COL15A1: variants seen among roughly 807,000 people sequenced by gnomAD.
COL15A1 encodes the protein collagen alpha-1(XV) chain.
In COL15A1, 111 loss-of-function variants were observed where a neutral mutation model predicts 165.9. The ratio of observed to expected loss-of-function variants is 0.67; its 90% confidence interval spans 0.57 to 0.78. COL15A1 has a LOEUF of 0.78. Among genes scored for constraint, COL15A1 ranks in the 30% least tolerant of loss-of-function variants. The probability of loss-of-function intolerance (pLI) is 0.00; values close to 1 mark genes in which losing one functional copy is unlikely to be tolerated. For synonymous variants in COL15A1, 659 were observed against 674.8 expected, an observed-to-expected ratio of 0.98 and a Z score of 0.36; for missense variants, 1,745 against 1,789.7, an observed-to-expected ratio of 0.98 and a Z score of 0.45.
intron 38 of COL15A1, 86 bp downstream of exon 38, chr9:99,062,390 A>G (rs1825831677): frequency 1.0e-6 from 1 of 1,002,440 alleles, no homozygotes; most frequent in Non-Finnish European, 1.6e-6. Flanking sequence ...CAAGCTCTCC[A>G]AACTCTGGAC....
At chr9:99,015,931 C>T in intron 10 of COL15A1, 45 bp from the exon 11 acceptor site, 1 of 1,600,020 alleles carries the variant, frequency 6.2e-7, no homozygotes, top group Non-Finnish European at 8.5e-7. Context: ...CTGGCAGCCT[C>T]ATGAGCGAGG....
In COL15A1 at chr9:99,035,086, G is replaced by A. The variant is rs1191696022; in HGVS notation, c.2152G>A (p.Gly718Arg). ...ACAAGCTGGCCCTCCTGGGGTCATG[G>A]GACCCCCAGGGCCTCCTGGACCCCC... ...KGQAGPPGVMGPPGPPGPPGP... is the reference protein window; with the variant it reads ...KGQAGPPGVMRPPGPPGPPGP... Residue 718 changes from glycine to arginine, a missense_variant, in exon 18 of 42, where the codon GGA (glycine) becomes AGA (arginine). Coordinates refer to ENST00000375001, the MANE Select transcript of COL15A1 (RefSeq NM_001855.5). 1.2e-6 allele frequency: 2 copies of A among 1,601,580 alleles called. No homozygotes were observed. The highest frequency in any genetic ancestry group is 2.7e-5 in the African/African-American group (2 of 74,690).
chr9:98,973,812 G>A (rs1256862460), intron 2 of COL15A1, among the ~76,000 whole-genome samples: 4 of 152,244 alleles, frequency 2.6e-5, no homozygotes, highest in African/African-American at 4.8e-5. Context: ...TGAAAGAACC[G>A]GCAGTTAGGG....
intron 22 of COL15A1, 56 bp from the exon 23 acceptor site, chr9:99,040,465 C>T (rs1001744914): frequency 1.2e-6 from 2 of 1,613,824 alleles, no homozygotes; most frequent in Admixed American, 3.3e-5. Context: ...GGGGGTCCTG[C>T]TGACTCTGGA....
Position 99,035,118 on chromosome 9 carries a change from C to A in COL15A1, c.2184C>A (p.Pro728=), listed in dbSNP as rs148026871. Residue 728 remains proline, a synonymous_variant, in exon 18 of 42, where the codon CCC becomes CCA. Coordinates refer to ENST00000375001, the MANE Select transcript of COL15A1 (RefSeq NM_001855.5). ...CAGGGCCTCCTGGACCCCCTGGGCCCCCAGGCCCTGGATGCACAATGGGAC... is the reference window on the plus strand; with the variant it reads ...CAGGGCCTCCTGGACCCCCTGGGCCACCAGGCCCTGGATGCACAATGGGAC... The part of the protein sequence containing the change: ...GPPGPPGPPG[P]PGPGCTMGLG... 10 of 1,602,766 alleles carry A rather than the reference C, an allele frequency of 6.2e-6. No homozygotes were observed. The highest frequency in any genetic ancestry group is 1.3e-5 in the African/African-American group (1 of 74,202).
intron 30 of COL15A1, among the ~76,000 whole-genome samples, chr9:99,050,590 G>C (rs944948295): frequency 2.6e-5 from 4 of 152,182 alleles, no homozygotes; most frequent in African/African-American, 9.7e-5. Flanking sequence ...CAGTGGGGAG[G>C]GTGGGCCTTG....
intron 11 of COL15A1, among the ~76,000 whole-genome samples, chr9:99,017,797 G>A (rs906634459): frequency 3.3e-5 from 5 of 152,122 alleles, no homozygotes; most frequent in Admixed American, 6.5e-5. Flanking sequence ...AGATAGAGCC[G>A]GTTCTCCTGT....
chr9:98,998,458 C>T (rs142897664), intron 6 of COL15A1, among the ~76,000 whole-genome samples: 1 of 152,134 alleles, frequency 6.6e-6, no homozygotes, highest in African/African-American at 2.4e-5. Flanking sequence ...AAATACTGCC[C>T]GCTGGGGAGA....
chr9:99,069,608 G>C (rs1825951305), intron 41 of COL15A1, 65 bp from the exon 42 acceptor site: 1 of 1,567,460 alleles, frequency 6.4e-7, no homozygotes, highest in Non-Finnish European at 8.7e-7. Context: ...ATGCCAATTT[G>C]CTTACCAAAA....
chr9:98,968,406 G>T (rs1837991291), intron 2 of COL15A1, among the ~76,000 whole-genome samples: 1 of 152,120 alleles, frequency 6.6e-6, no homozygotes, highest in African/African-American at 2.4e-5. Context: ...TCCTCCTGGG[G>T]CTCTAGCAGG....
intron 2 of COL15A1, among the ~76,000 whole-genome samples, chr9:98,961,606 T>A (rs889934372): frequency 6.6e-6 from 1 of 152,166 alleles, no homozygotes; most frequent in Non-Finnish European, 1.5e-5. Flanking sequence ...GTTTCTGGGA[T>A]GAAAGCAGGG....
At position 99,049,597 on chromosome 9, in the gene COL15A1, C is replaced by T. The variant is rs1348795433; in HGVS notation, c.2794-93C>T. 1.4e-5 allele frequency: 22 copies of T among 1,529,160 alleles called. No homozygotes were observed. In the South Asian group the frequency reaches 2.6e-4, roughly 18 times the overall value. The allele number at this position is 1,529,160 out of a possible 1,614,324, so 94.7% of individuals were successfully genotyped here. Reference sequence around the variant, plus strand: ...GAGAAGTTGGTTGGCTTCAGCAGACCCTCCTTTCCTTCCTCTGGAGGAAGT... The same window carrying T: ...GAGAAGTTGGTTGGCTTCAGCAGACTCTCCTTTCCTTCCTCTGGAGGAAGT... On this transcript the variant is annotated intron_variant, in intron 28 of 41. Transcript: ENST00000375001.
chr9:99,064,407 G>T (rs546132657), intron 39 of COL15A1, among the ~76,000 whole-genome samples: 1 of 152,190 alleles, frequency 6.6e-6, no homozygotes, highest in Non-Finnish European at 1.5e-5. Flanking sequence ...CTAATTTGGA[G>T]CATGGTGAGT....
At chr9:98,959,735 A>T (rs1480428909) in intron 2 of COL15A1, among the ~76,000 whole-genome samples, 1 of 152,136 alleles carries the variant, frequency 6.6e-6, no homozygotes, top group African/African-American at 2.4e-5. Flanking sequence ...GGCCAGCAGG[A>T]TCTCCCATCT....
chr9:99,036,467 A>G, intron 21 of COL15A1, 71 bp downstream of exon 21: 11 of 1,535,684 alleles, frequency 7.2e-6, no homozygotes, highest in Admixed American at 3.5e-5. Context: ...AAGGTTGTCC[A>G]TGACTTCAAA....
chr9:99,036,493 G>A, intron 21 of COL15A1, 97 bp downstream of exon 21: 5 of 1,304,014 alleles, frequency 3.8e-6, no homozygotes, highest in Non-Finnish European at 4.3e-6. Context: ...TGGCTATGCA[G>A]GAGGCATGTA....
chr9:98,948,047 AC>A (rs1308492847), intron 2 of COL15A1, among the ~76,000 whole-genome samples: 1 of 152,200 alleles, frequency 6.6e-6, no homozygotes, highest in African/African-American at 2.4e-5. Flanking sequence ...GGGAAACAAA[AC>A]AAAATAATAT....
At chr9:99,007,807 G>GA (rs1474783763) in intron 9 of COL15A1, among the ~76,000 whole-genome samples, 2 of 151,960 alleles carry the variant, frequency 1.3e-5, no homozygotes, top group East Asian at 1.9e-4. Context: ...CAAAAATGGG[G>GA]AAAAAATGGA....
At chr9:98,966,166 A>C (rs1027355576) in intron 2 of COL15A1, among the ~76,000 whole-genome samples, 1 of 152,210 alleles carries the variant, frequency 6.6e-6, no homozygotes, top group African/African-American at 2.4e-5. Context: ...GGCTGCCTTG[A>C]GGCCTGTGGA....
Sources: allele counts gnomAD v4.1 joint callset (sites outside exome capture counted in the v4.1 genomes callset), GRCh38; gene constraint gnomAD v4.1.1; transcripts MANE v1.5; gene names NCBI Gene and HGNC (gene_info 2026-07-23, HGNC 2026-07-21).